The following SNX13 variants were observed in gnomAD, a reference collection of about 807,000 sequenced individuals.
SNX13 encodes sorting nexin-13.
In SNX13, 45 loss-of-function variants were observed where a neutral mutation model predicts 133.6. The ratio of observed to expected loss-of-function variants is 0.34; its 90% CI spans 0.27 to 0.43. SNX13 has a LOEUF of 0.43. Among genes scored for constraint, SNX13 ranks in the 20% least tolerant of loss-of-function variants. The pLI is 1.00. For synonymous variants in SNX13, 414 were observed against 373.9 expected, an observed-to-expected ratio of 1.11 and a Z score of -1.24; for missense variants, 1,032 against 1,145.1, an observed-to-expected ratio of 0.90 and a Z score of 1.43.
At chr7:17,807,295 G>A (rs1349842558) in intron 20 of SNX13, among the ~76,000 whole-genome samples, 1 of 152,138 alleles carries the variant, frequency 6.6e-6, no homozygotes, top group Non-Finnish European at 1.5e-5. Context: ...GCTAGGTGGG[G>A]GGAGGGGCCC....
At chr7:17,808,642 A>G (rs1289341592) in intron 20 of SNX13, among the ~76,000 whole-genome samples, 1 of 152,192 alleles carries the variant, frequency 6.6e-6, no homozygotes, top group Non-Finnish European at 1.5e-5. Flanking sequence ...CAACTCCAAG[A>G]TACATAATTG....
intron 1 of SNX13, among the ~76,000 whole-genome samples, chr7:17,938,362 G>A (rs897881732): frequency 2.0e-5 from 3 of 152,182 alleles, no homozygotes; most frequent in African/African-American, 7.2e-5. Flanking sequence ...AGTTTCGACT[G>A]TCACTAATAT....
intron 1 of SNX13, among the ~76,000 whole-genome samples, chr7:17,936,737 G>A (rs769445701): frequency 2.6e-5 from 4 of 151,484 alleles, no homozygotes; most frequent in Non-Finnish European, 5.9e-5. Flanking sequence ...TTCTAATGTT[G>A]TGAAAACTCG....
chr7:17,936,509 CAGGACAAGTGACAA>C (rs1362212472), intron 1 of SNX13, among the ~76,000 whole-genome samples: 5 of 152,124 alleles, frequency 3.3e-5, no homozygotes, highest in African/African-American at 4.8e-5. Context: ...TTTTAAAACA[CAGGACAAGTGACAA>C]CACGTTGATA....
At chr7:17,917,600 C>T (rs369933687) in intron 1 of SNX13, among the ~76,000 whole-genome samples, 1 of 151,322 alleles carries the variant, frequency 6.6e-6, no homozygotes, top group South Asian at 2.1e-4. Flanking sequence ...AGGAAGTGAA[C>T]GACCTCTACA....
intron 20 of SNX13, among the ~76,000 whole-genome samples, chr7:17,810,137 G>C (rs189802016): frequency 2.5e-3 from 382 of 152,144 alleles, no homozygotes; most frequent in Admixed American, 5.2e-3. Context: ...AACTGAAGGA[G>C]ATAGAGACAC....
intron 13 of SNX13, 101 bp downstream of exon 13, chr7:17,839,706 G>T: frequency 2.3e-6 from 2 of 874,140 alleles, no homozygotes; most frequent in Non-Finnish European, 3.4e-6. Context: ...GATTAAAGGA[G>T]ACAATGTTTT....
intron 1 of SNX13, among the ~76,000 whole-genome samples, chr7:17,918,530 C>T (rs1799795903): frequency 6.6e-6 from 1 of 151,906 alleles, no homozygotes; most frequent in Non-Finnish European, 1.5e-5. Context: ...ATGCTTATGA[C>T]TAATCATTAG....
rs367766164 is a variant in SNX13 at position 17,935,960 on chromosome 7, G to C, written c.12+4324C>G. Among the ~76,000 whole-genome samples, 563 of 152,280 alleles carry C rather than the reference G, an allele frequency of 3.7e-3. 5 individuals carry two copies. Among genetic ancestry groups the C allele is most frequent in the African/African-American group, 0.013 (538 of 41,548 alleles). ...ATAATATTTTACTAAGCACTTATGG[G>C]CAAGACAACTGTGTGTGAGCGTGGA... On this transcript the variant is annotated intron_variant, in intron 1 of 25. Coordinates refer to ENST00000428135, the MANE Select transcript of SNX13 (RefSeq NM_015132.5).
intron 17 of SNX13, among the ~76,000 whole-genome samples, chr7:17,822,609 A>G (rs762236659): frequency 6.6e-6 from 1 of 152,058 alleles, no homozygotes; most frequent in Non-Finnish European, 1.5e-5. Context: ...ACAGGATGCA[A>G]ATTATCTGCT....
At chr7:17,922,445 T>C (rs1800226309) in intron 1 of SNX13, among the ~76,000 whole-genome samples, 1 of 152,246 alleles carries the variant, frequency 6.6e-6, no homozygotes, top group Non-Finnish European at 1.5e-5. Flanking sequence ...TGTTGTCTCA[T>C]GCCAAGTATA....
intron 18 of SNX13, among the ~76,000 whole-genome samples, chr7:17,820,075 A>G (rs565068887): frequency 5.8e-4 from 88 of 152,292 alleles, no homozygotes; most frequent in African/African-American, 2.1e-3. Flanking sequence ...CTTCAAAAGT[A>G]TGTTCTTCAT....
In SNX13 at chr7:17,880,936, T is replaced by C. The variant is rs1795262934; in HGVS notation, c.441-5146A>G. 3 of 152,042 alleles carry C rather than the reference T, an allele frequency of 2.0e-5. No homozygotes were observed. The South Asian group carries it at 6.2e-4, about 31-fold the overall frequency. The allele number at this position is 152,042 out of a possible 1,614,324, so 9.4% of individuals were successfully genotyped here. On this transcript the variant is annotated intron_variant, in intron 5 of 25. Transcript: ENST00000428135. ...AGAAGAGGGGGATGAGCATGATAAA[T>C]ATATATGCAAGGGTCATCTTGTAGA...
intron 5 of SNX13, among the ~76,000 whole-genome samples, chr7:17,883,169 T>C (rs1795568031): frequency 6.6e-6 from 1 of 152,210 alleles, no homozygotes; most frequent in African/African-American, 2.4e-5. Context: ...CTATATCCTA[T>C]ATTTCAATGC....
At chr7:17,839,670 T>G (rs1476962832) in intron 13 of SNX13, 137 bp downstream of exon 13, 7 of 642,028 alleles carry the variant, frequency 1.1e-5, no homozygotes, top group Non-Finnish European at 1.5e-5. Flanking sequence ...TAAACGAGGA[T>G]ACAGACAGAC....
intron 1 of SNX13, among the ~76,000 whole-genome samples, chr7:17,906,884 AAAAATAAATAAAT>A (rs1798461451): frequency 6.6e-6 from 1 of 152,038 alleles, no homozygotes; most frequent in Non-Finnish European, 1.5e-5. Context: ...CTGATTCAAC[AAAAATAAATAAAT>A]AAATAAAGAT....
intron 11 of SNX13, among the ~76,000 whole-genome samples, chr7:17,847,253 ACG>A (rs1004978141): frequency 6.7e-6 from 1 of 149,522 alleles, no homozygotes; most frequent in African/African-American, 2.5e-5. Flanking sequence ...ACACACACAC[ACG>A]TAACAAATAT....
chr7:17,890,587 C>G, intron 4 of SNX13, 103 bp from the exon 5 acceptor site: 2 of 734,320 alleles, frequency 2.7e-6, no homozygotes, highest in Admixed American at 6.5e-5. Context: ...TATATTTACT[C>G]TCTACGTATT....
intron 1 of SNX13, among the ~76,000 whole-genome samples, chr7:17,938,048 A>C (rs1802312370): frequency 6.6e-6 from 1 of 152,226 alleles, no homozygotes; most frequent in African/African-American, 2.4e-5. Flanking sequence ...AGAAGCAATA[A>C]AAAGGAAGTC....
Sources: allele counts gnomAD v4.1 joint callset (sites outside exome capture counted in the v4.1 genomes callset), GRCh38; gene constraint gnomAD v4.1.1; transcripts MANE v1.5; gene names NCBI Gene and HGNC (gene_info 2026-07-23, HGNC 2026-07-21).